The following PHF20 variants were observed in gnomAD, a reference collection of about 807,000 sequenced individuals.
PHF20 encodes glioma-expressed antigen 2.
Under a neutral mutation model 113.5 loss-of-function variants are expected in PHF20, and 23 were observed. That is an observed-to-expected ratio of 0.20 (90% CI 0.15 to 0.29). The LOEUF (loss-of-function observed/expected upper bound fraction) is 0.29, where lower values mean the gene tolerates loss of function less well. Among genes scored for constraint, PHF20 ranks in the 10% least tolerant of loss-of-function variants. The pLI is 1.00. For missense variants in PHF20, 943 were observed against 1,219.6 expected (o/e 0.77, Z 3.38); for synonymous variants, 434 against 457.3 (o/e 0.95, Z 0.65).
intron 17 of PHF20, among the ~76,000 whole-genome samples, chr20:35,942,791 C>G (rs559932839): frequency 6.6e-6 from 1 of 152,110 alleles, no homozygotes; most frequent in African/African-American, 2.4e-5. Flanking sequence ...GGAATCAACT[C>G]TTTATTTAAA....
intron 2 of PHF20, among the ~76,000 whole-genome samples, chr20:35,826,115 G>T (rs1254611721): frequency 1.3e-5 from 2 of 152,058 alleles, no homozygotes; most frequent in Non-Finnish European, 2.9e-5. Context: ...CACGTTCTCG[G>T]CTTACTGCAA....
chr20:35,895,988 A>T (rs1386341564), intron 9 of PHF20, among the ~76,000 whole-genome samples: 1 of 151,778 alleles, frequency 6.6e-6, no homozygotes, highest in Non-Finnish European at 1.5e-5. Context: ...CGCCTGGCCA[A>T]CTTTTTCTTC....
chr20:35,876,394 A>G (rs2147000965), intron 9 of PHF20, among the ~76,000 whole-genome samples: 1 of 151,668 alleles, frequency 6.6e-6, no homozygotes, highest in Non-Finnish European at 1.5e-5. Flanking sequence ...AACATGGTGA[A>G]ACCCCATCTC....
Position 35,938,863 on chromosome 20 carries a change from G to A in PHF20, c.2467G>A (p.Ala823Thr). The change falls in exon 16 of 18, where the codon GCC (alanine) becomes ACC (threonine). Residue 823 changes from alanine to threonine, a missense_variant. Transcript: ENST00000374012. ...GGCAGTGGAGAAGCCCAGGCCCCTG[G>A]CCCTGCCCCTGCCGCGTTCTGTGGA... ...NGAVEKPRPL[A>T]LPLPRSVEES... 6.2e-7 allele frequency: 1 copy of A among 1,614,158 alleles called. No individual in the cohort carries two copies. The highest frequency in any genetic ancestry group is 8.5e-7 in the Non-Finnish European group (1 of 1,180,014).
At chr20:35,803,779 A>C (rs1278841268) in intron 2 of PHF20, among the ~76,000 whole-genome samples, 2 of 150,860 alleles carry the variant, frequency 1.3e-5, no homozygotes, top group Non-Finnish European at 2.9e-5. Context: ...GTAGTATCAT[A>C]CAACTTGTTT....
chr20:35,793,008 T>C (rs1222940057), intron 1 of PHF20, among the ~76,000 whole-genome samples: 1 of 152,192 alleles, frequency 6.6e-6, no homozygotes, highest in Non-Finnish European at 1.5e-5. Flanking sequence ...AGGCATTCCC[T>C]GGCCTTCCTC....
chr20:35,896,484 G>C (rs2147050739), intron 9 of PHF20, among the ~76,000 whole-genome samples: 1 of 152,092 alleles, frequency 6.6e-6, no homozygotes, highest in South Asian at 2.1e-4. Context: ...ATTCTAAAGG[G>C]AGTCCTCAAT....
rs1010155413 is a variant in PHF20 at position 35,949,664 on chromosome 20, G to A, written c.*2037G>A. The A allele has an allele frequency of 2.6e-5, 4 of 152,572 alleles. No individual in the cohort carries two copies. Among genetic ancestry groups the A allele is most frequent in the Non-Finnish European group, 5.9e-5 (4 of 68,030 alleles). The allele number at this position is 152,572 out of a possible 1,614,324, so 9.5% of individuals were successfully genotyped here. ...TCCCTAATTTAAAGCCATGTTGAGG[G>A]GCTCCATTCCCAATTCCTGGGTCAA... On this transcript the variant is annotated 3_prime_UTR_variant, in exon 18 of 18. Coordinates refer to ENST00000374012, the MANE Select transcript of PHF20 (RefSeq NM_016436.5).
intron 10 of PHF20, among the ~76,000 whole-genome samples, chr20:35,908,566 A>G (rs769702587): frequency 6.6e-5 from 10 of 152,206 alleles, no homozygotes; most frequent in Non-Finnish European, 1.3e-4. Context: ...CTGAATTTAC[A>G]AATAAAAACT....
intron 2 of PHF20, among the ~76,000 whole-genome samples, chr20:35,840,981 TC>T (rs1369403820): frequency 6.6e-6 from 1 of 152,174 alleles, no homozygotes; most frequent in East Asian, 1.9e-4. Flanking sequence ...TGGGCATCCT[TC>T]CAGATACTTT....
At chr20:35,922,113 C>A (rs1220641753) in intron 13 of PHF20, among the ~76,000 whole-genome samples, 1 of 152,210 alleles carries the variant, frequency 6.6e-6, no homozygotes, top group Non-Finnish European at 1.5e-5. Flanking sequence ...CCAACTTGAT[C>A]TCCTGCTTCC....
intron 2 of PHF20, among the ~76,000 whole-genome samples, chr20:35,807,598 T>C (rs1284841514): frequency 6.6e-6 from 1 of 151,826 alleles, no homozygotes; most frequent in Non-Finnish European, 1.5e-5. Context: ...GGTGATCTGC[T>C]CACCTCGGCT....
At position 35,777,061 on chromosome 20, in the gene PHF20, G is replaced by A. The variant is rs140583803; in HGVS notation, c.-33+4982G>A. On this transcript the variant is annotated intron_variant, in intron 1 of 17. Transcript: ENST00000374012. ...AGCTTGTTCTCAACCCAACTTCAGCGTTCTTCTTGCTTCCATGTCTTCTTC... is the reference window on the plus strand; with the variant it reads ...AGCTTGTTCTCAACCCAACTTCAGCATTCTTCTTGCTTCCATGTCTTCTTC... Among the ~76,000 whole-genome samples the A allele has an allele frequency of 2.3e-3, 343 of 152,146 alleles. 2 individuals carry two copies. The highest frequency in any genetic ancestry group is 8.0e-3 in the African/African-American group (333 of 41,508).
chr20:35,922,998 C>G (rs2147099814), intron 13 of PHF20, among the ~76,000 whole-genome samples: 1 of 152,148 alleles, frequency 6.6e-6, no homozygotes, highest in East Asian at 1.9e-4. Flanking sequence ...ACTTGTAGTC[C>G]CAGCTTCTCA....
chr20:35,880,632 T>A (rs2054611240), intron 9 of PHF20, among the ~76,000 whole-genome samples: 1 of 152,170 alleles, frequency 6.6e-6, no homozygotes, highest in Non-Finnish European at 1.5e-5. Flanking sequence ...TTGCTAGCAA[T>A]TTACCATATT....
intron 2 of PHF20, among the ~76,000 whole-genome samples, chr20:35,835,990 G>C (rs2042432849): frequency 6.6e-6 from 1 of 151,966 alleles, no homozygotes; most frequent in African/African-American, 2.4e-5. Flanking sequence ...TCTTGACAAA[G>C]GCTGAAAATT....
chr20:35,772,917 C>A (rs559651474), intron 1 of PHF20, among the ~76,000 whole-genome samples: 2 of 152,188 alleles, frequency 1.3e-5, no homozygotes, highest in African/African-American at 4.8e-5. Flanking sequence ...TTAGGGGCCA[C>A]TTCCTTTCCT....
At chr20:35,911,995 T>TC (rs2055315231) in intron 10 of PHF20, among the ~76,000 whole-genome samples, 1 of 148,442 alleles carries the variant, frequency 6.7e-6, no homozygotes, top group South Asian at 2.1e-4. Flanking sequence ...TTTTTTTTTT[T>TC]CTTTGAGATG....
intron 5 of PHF20, among the ~76,000 whole-genome samples, chr20:35,861,981 G>T (rs548178055): frequency 6.6e-6 from 1 of 152,302 alleles, no homozygotes. Flanking sequence ...CTAGAAGAGA[G>T]ATATGTACAC....
Sources: gnomAD v4.1 joint callset for allele counts (sites outside exome capture counted in the v4.1 genomes callset) on GRCh38, gnomAD v4.1.1 for gene constraint, MANE v1.5 for transcripts, NCBI Gene and HGNC (gene_info 2026-07-23, HGNC 2026-07-21) for gene names.